PPARD: variants seen among roughly 807,000 people sequenced by gnomAD.
PPARD encodes peroxisome proliferator activated receptor delta.
PPARD carries 6 observed loss-of-function variants against 39.5 expected under a neutral mutation model. The ratio of observed to expected loss-of-function variants is 0.15; its 90% confidence interval spans 0.08 to 0.30. The LOEUF (loss-of-function observed/expected upper bound fraction) is 0.30, where lower values mean the gene tolerates loss of function less well. PPARD is among the 10% of genes least tolerant of loss of function. The pLI is 1.00. For missense variants in PPARD, 397 were observed against 596.8 expected (o/e 0.67, Z 3.49); for synonymous variants, 210 against 231.3 (o/e 0.91, Z 0.83).
At chr6:35,375,508 T>G (rs1159845000) in intron 2 of PPARD, among the ~76,000 whole-genome samples, 1 of 151,378 alleles carries the variant, frequency 6.6e-6, no homozygotes, top group African/African-American at 2.4e-5. Flanking sequence ...GAGCCACTGC[T>G]CCCGGCCCGG....
At position 35,347,107 on chromosome 6, in the gene PPARD, G is replaced by C; in HGVS notation, c.-145G>C. ...TGGGCATGCACGTGATACTCACACA[G>C]TGGCTTCTGCTCACCAACAGATGAA... On this transcript the variant is annotated 5_prime_UTR_variant, in exon 2 of 8. Transcript: ENST00000360694. 1 of 1,536,140 alleles carries C rather than the reference G, an allele frequency of 6.5e-7. No homozygotes were observed. Among genetic ancestry groups the C allele is most frequent in the Non-Finnish European group, 8.7e-7 (1 of 1,146,912 alleles).
intron 2 of PPARD, among the ~76,000 whole-genome samples, chr6:35,396,286 G>A (rs1278716540): frequency 3.3e-5 from 5 of 150,888 alleles, no homozygotes; most frequent in Admixed American, 1.3e-4. Context: ...CTTACTGCAA[G>A]CTCCACCTCC....
chr6:35,388,025 C>CT (rs199635143), intron 2 of PPARD, among the ~76,000 whole-genome samples: 6,458 of 136,600 alleles, frequency 0.047, 370 homozygotes, highest in East Asian at 0.33. Flanking sequence ...CCTGGCCATT[C>CT]TTTTTTTTTT....
rs551946022 is a variant in PPARD at position 35,365,130 on chromosome 6, CTTT to C, written c.-102+17998_-102+18000del. Among the ~76,000 whole-genome samples, 310 of 121,064 alleles carry C rather than the reference CTTT, an allele frequency of 2.6e-3. 4 individuals carry two copies. Among genetic ancestry groups the C allele is most frequent in the African/African-American group, 0.01 (291 of 29,076 alleles). 79.4% of individuals were successfully genotyped at this position (121,064 alleles called of 152,430 possible). ...ACCAGACATGTAGAGCTTCCTTATTCTTTTTTTTTTTTTTTTTTTTGAGATGGA... is the reference window on the plus strand; with the variant it reads ...ACCAGACATGTAGAGCTTCCTTATTCTTTTTTTTTTTTTTTTTGAGATGGA... On this transcript the variant is annotated intron_variant, in intron 2 of 7. Coordinates refer to ENST00000360694, the MANE Select transcript of PPARD (RefSeq NM_006238.5).
At chr6:35,350,149 T>A (rs1033041489) in intron 2 of PPARD, among the ~76,000 whole-genome samples, 9 of 152,232 alleles carry the variant, frequency 5.9e-5, no homozygotes, top group African/African-American at 1.9e-4. Context: ...TATATTCTTG[T>A]TATTAACCCC....
rs200735766 is a variant in PPARD at position 35,347,050 on chromosome 6, T to G, written c.-185-17T>G. 1.3e-6 allele frequency: 2 copies of G among 1,496,904 alleles called. No homozygotes were observed. The highest frequency in any genetic ancestry group is 4.2e-5 in the Admixed American group (2 of 47,952). The allele number at this position is 1,496,904 out of a possible 1,614,324, so 92.7% of individuals were successfully genotyped here. A position where few individuals can be genotyped will look rare whatever the true frequency, so the allele number is the denominator to read the frequency against. Reference sequence around the variant, plus strand: ...CACCTGTCAGCTAAAGCTGTTGGGGTTTTTTCTATCCTGCAGTGTTGTACA... The same window carrying G: ...CACCTGTCAGCTAAAGCTGTTGGGGGTTTTTCTATCCTGCAGTGTTGTACA... On this transcript the variant is annotated splice_polypyrimidine_tract_variant and intron_variant, in intron 1 of 7. Transcript: ENST00000360694.
At chr6:35,343,842 A>G (rs547242376) in intron 1 of PPARD, among the ~76,000 whole-genome samples, 9 of 152,258 alleles carry the variant, frequency 5.9e-5, no homozygotes, top group African/African-American at 9.6e-5. Flanking sequence ...CACTTATACC[A>G]TGATACCCCA....
intron 4 of PPARD, among the ~76,000 whole-genome samples, chr6:35,421,345 GT>G: frequency 6.7e-6 from 1 of 149,224 alleles, no homozygotes; most frequent in Non-Finnish European, 1.5e-5. Context: ...ATTTTGTTTT[GT>G]TTTGTTTTGA....
intron 2 of PPARD, among the ~76,000 whole-genome samples, chr6:35,394,184 T>C (rs11962524): frequency 0.063 from 9,618 of 152,280 alleles, 727 homozygotes; most frequent in African/African-American, 0.18. Context: ...CAAGTGTGTG[T>C]AGCTCTGCAT....
chr6:35,370,099 C>T (rs1363740626), intron 2 of PPARD, among the ~76,000 whole-genome samples: 1 of 152,168 alleles, frequency 6.6e-6, no homozygotes. Flanking sequence ...TTAATTTGTA[C>T]AGGAAGTCCT....
In PPARD at chr6:35,427,458, G is replaced by C. The variant is rs35828998; in HGVS notation, c.*1379G>C. On this transcript the variant is annotated 3_prime_UTR_variant, in exon 8 of 8. Coordinates refer to ENST00000360694, the MANE Select transcript of PPARD (RefSeq NM_006238.5). ...GGGATAAACTGAGCCTGTTCATTCT[G>C]ATGTCCATTTGTCCCAATAGCTCTA... 1.3e-5 allele frequency: 2 copies of C among 152,400 alleles called. No individual in the cohort carries two copies. Among genetic ancestry groups the C allele is most frequent in the Non-Finnish European group, 2.9e-5 (2 of 68,224 alleles). 9.4% of individuals were successfully genotyped at this position (152,400 alleles called of 1,614,324 possible).
intron 2 of PPARD, among the ~76,000 whole-genome samples, chr6:35,407,293 G>A (rs982195421): frequency 6.6e-6 from 1 of 151,856 alleles, no homozygotes; most frequent in Non-Finnish European, 1.5e-5. Flanking sequence ...TGACACCCAC[G>A]CCACATGGGT....
chr6:35,378,224 A>C (rs1762932070), intron 2 of PPARD, among the ~76,000 whole-genome samples: 1 of 151,960 alleles, frequency 6.6e-6, no homozygotes, highest in Admixed American at 6.6e-5. Context: ...TTTTCTTGGT[A>C]CTTGAAACTC....
In PPARD at chr6:35,426,758, C is replaced by G. The variant is rs563382262; in HGVS notation, c.*679C>G. On this transcript the variant is annotated 3_prime_UTR_variant, in exon 8 of 8. Coordinates refer to ENST00000360694, the MANE Select transcript of PPARD (RefSeq NM_006238.5). ...TGCCTCCCCAAGACTGTCATTGCCCCTCCGATGCTGAGGCCACCCACTGAC... is the reference window on the plus strand; with the variant it reads ...TGCCTCCCCAAGACTGTCATTGCCCGTCCGATGCTGAGGCCACCCACTGAC... 2.6e-5 allele frequency: 4 copies of G among 153,164 alleles called. No homozygotes were observed. Among genetic ancestry groups the G allele is most frequent in the African/African-American group, 9.6e-5 (4 of 41,588 alleles). 9.5% of individuals were successfully genotyped at this position (153,164 alleles called of 1,614,324 possible).
rs1323323878 is a variant in PPARD at position 35,426,372 on chromosome 6, C to T, written c.*293C>T. 4.2e-6 allele frequency: 2 copies of T among 470,736 alleles called. No individual in the cohort carries two copies. The highest frequency in any genetic ancestry group is 7.6e-5 in the Admixed American group (2 of 26,260). The allele number at this position is 470,736 out of a possible 1,614,324, so 29.2% of individuals were successfully genotyped here. ...CTGTAGGTTTCTCTCTTCCCTTCTC[C>T]CTTGCCCTCCCTTTCTCTCTCCACC... On this transcript the variant is annotated 3_prime_UTR_variant, in exon 8 of 8. Coordinates refer to ENST00000360694, the MANE Select transcript of PPARD (RefSeq NM_006238.5).
At chr6:35,383,128 G>A (rs1160198696) in intron 2 of PPARD, among the ~76,000 whole-genome samples, 2 of 152,074 alleles carry the variant, frequency 1.3e-5, no homozygotes, top group East Asian at 3.9e-4. Context: ...GCTTGAACCT[G>A]GCCAGTCAAG....
At chr6:35,421,314 TTTTTTGTTTTG>T (rs1562224730) in intron 4 of PPARD, among the ~76,000 whole-genome samples, 1 of 76,570 alleles carries the variant, frequency 1.3e-5, no homozygotes, top group African/African-American at 3.1e-5. Flanking sequence ...GTTGTGTTTT[TTTTTTGTTTTG>T]TTTTGTTTTA....
In PPARD at chr6:35,426,594, C is replaced by T; in HGVS notation, c.*515C>T. The T allele has an allele frequency of 6.0e-6, 1 of 166,720 alleles. No homozygotes were observed. The highest frequency in any genetic ancestry group is 5.7e-5 in the Admixed American group (1 of 17,394). The allele number at this position is 166,720 out of a possible 1,614,324, so 10.3% of individuals were successfully genotyped here. A position where few individuals can be genotyped will look rare whatever the true frequency, so the allele number is the denominator to read the frequency against. Reference sequence around the variant, plus strand: ...TGTCTTCAGAGCAAAAGACTTGAGCCATCCAAAGAAACACTAAGCTCTCTG... The same window carrying T: ...TGTCTTCAGAGCAAAAGACTTGAGCTATCCAAAGAAACACTAAGCTCTCTG... On this transcript the variant is annotated 3_prime_UTR_variant, in exon 8 of 8. Transcript: ENST00000360694.
intron 2 of PPARD, among the ~76,000 whole-genome samples, chr6:35,370,403 G>T (rs1762420856): frequency 6.6e-6 from 1 of 152,226 alleles, no homozygotes; most frequent in Non-Finnish European, 1.5e-5. Context: ...GAAGATACTG[G>T]TTATGGCTGC....
Sources: gnomAD v4.1 joint callset for allele counts (sites outside exome capture counted in the v4.1 genomes callset) on GRCh38, gnomAD v4.1.1 for gene constraint, MANE v1.5 for transcripts, NCBI Gene and HGNC (gene_info 2026-07-23, HGNC 2026-07-21) for gene names.